Variants in APBA1 observed in about 807,000 individuals in gnomAD.
The protein encoded by APBA1 is amyloid beta precursor protein binding family A member 1, also known as amyloid-beta A4 precursor protein-binding family A member 1.
Under a neutral mutation model 86.6 loss-of-function variants are expected in APBA1, and 55 were observed. The observed-to-expected ratio is 0.64, with a 90% CI of 0.51 to 0.80. APBA1 has a LOEUF of 0.80. Among genes scored for constraint, APBA1 ranks in the 30% least tolerant of loss-of-function variants. APBA1 has a pLI of 0.00. For missense variants in APBA1, 1,090 were observed against 1,183.0 expected, an observed-to-expected ratio of 0.92 and a Z score of 1.15; for synonymous variants, 511 against 493.9, an observed-to-expected ratio of 1.03 and a Z score of -0.46.
At chr9:69,446,215 T>C (rs969168364) in intron 10 of APBA1, among the ~76,000 whole-genome samples, 1 of 152,198 alleles carries the variant, frequency 6.6e-6, no homozygotes, top group Non-Finnish European at 1.5e-5. Flanking sequence ...AGTCTGTATT[T>C]GGTACTGGTG....
intron 1 of APBA1, among the ~76,000 whole-genome samples, chr9:69,659,919 T>C (rs1333547121): frequency 6.6e-6 from 1 of 152,240 alleles, no homozygotes; most frequent in Non-Finnish European, 1.5e-5. Flanking sequence ...ATTGTTCCTT[T>C]CCTTAACAAA....
intron 1 of APBA1, among the ~76,000 whole-genome samples, chr9:69,575,773 A>T (rs567839856): frequency 5.3e-5 from 8 of 152,330 alleles, no homozygotes; most frequent in Admixed American, 4.6e-4. Flanking sequence ...AACCTAGGCA[A>T]TACCATTCAG....
intron 2 of APBA1, among the ~76,000 whole-genome samples, chr9:69,489,971 C>G (rs1265580754): frequency 6.6e-6 from 1 of 152,120 alleles, no homozygotes; most frequent in Non-Finnish European, 1.5e-5. Flanking sequence ...CATCCCATTA[C>G]TGGGTATATA....
At chr9:69,591,806 T>C (rs1822135271) in intron 1 of APBA1, among the ~76,000 whole-genome samples, 1 of 152,260 alleles carries the variant, frequency 6.6e-6, no homozygotes, top group African/African-American at 2.4e-5. Context: ...AGAAATGCTT[T>C]TGAACCGAGG....
intron 1 of APBA1, among the ~76,000 whole-genome samples, chr9:69,647,357 C>T (rs1340225118): frequency 6.6e-6 from 1 of 152,178 alleles, no homozygotes; most frequent in African/African-American, 2.4e-5. Context: ...TTCCTTACCT[C>T]CTTCAGATAA....
At chr9:69,535,476 G>T (rs1023231285) in intron 1 of APBA1, among the ~76,000 whole-genome samples, 5 of 152,126 alleles carry the variant, frequency 3.3e-5, no homozygotes, top group African/African-American at 9.7e-5. Flanking sequence ...ATGAATCAAG[G>T]TGTTAATCAT....
At chr9:69,562,611 G>A (rs1836963737) in intron 1 of APBA1, among the ~76,000 whole-genome samples, 1 of 152,020 alleles carries the variant, frequency 6.6e-6, no homozygotes, top group South Asian at 2.1e-4. Flanking sequence ...CTGACCTCAT[G>A]TGATCCTCCT....
At chr9:69,441,410 A>G (rs1000632590) in intron 10 of APBA1, among the ~76,000 whole-genome samples, 1 of 152,232 alleles carries the variant, frequency 6.6e-6, no homozygotes, top group African/African-American at 2.4e-5. Flanking sequence ...ATCTGATCAA[A>G]GTACTTGTGC....
chr9:69,540,993 T>C (rs1836600093), intron 1 of APBA1, among the ~76,000 whole-genome samples: 1 of 152,216 alleles, frequency 6.6e-6, no homozygotes, highest in Admixed American at 6.5e-5. Flanking sequence ...TAATGTCCTA[T>C]AGGTTCACAT....
intron 5 of APBA1, 109 bp from the exon 6 acceptor site, chr9:69,458,297 G>A (rs891677523): frequency 2.7e-5 from 25 of 925,952 alleles, no homozygotes; most frequent in Middle Eastern, 2.3e-4. Context: ...GGCATAAAGC[G>A]TTTCTGTGGG....
chr9:69,516,047 G>A lies in APBA1; in HGVS notation c.1164C>T (p.Thr388=), dbSNP rs748397130. The A allele has an allele frequency of 3.7e-6, 6 of 1,601,428 alleles. No homozygotes were observed. The highest frequency in any genetic ancestry group is 5.1e-6 in the Non-Finnish European group (6 of 1,172,786). ...IWVMRQDISP[T]RDCDDQRPMD... is the part of the protein sequence containing the mutation. The stretch of plus-strand genomic sequence containing the variant: ...TCGGCCTCTGGTCGTCACAGTCCCT[G>A]GTGGGGCTAATGTCCTGGCGCATGA... The change falls in exon 2 of 13, where the codon ACC becomes ACT. Residue 388 remains threonine (T), a synonymous_variant. Coordinates refer to ENST00000265381, the MANE Select transcript of APBA1 (RefSeq NM_001163.4). This position sits in a 1 kb window ranked among gnomAD's most constrained non-coding sequence, Gnocchi z 7.3.
intron 1 of APBA1, among the ~76,000 whole-genome samples, chr9:69,665,220 G>A (rs1439462093): frequency 6.6e-6 from 1 of 152,116 alleles, no homozygotes; most frequent in Non-Finnish European, 1.5e-5. Flanking sequence ...TCTATATAAT[G>A]CCAGCAGAGC....
chr9:69,640,518 TAATA>T (rs1249176483), intron 1 of APBA1, among the ~76,000 whole-genome samples: 1 of 151,960 alleles, frequency 6.6e-6, no homozygotes, highest in Admixed American at 6.6e-5. Context: ...TCTGTAATAT[TAATA>T]ATTATCCATA....
rs1379736930 is a variant in APBA1, at chr9:69,428,222, G to A, written c.*3105C>T. The A allele has an allele frequency of 6.6e-6, 1 of 152,422 alleles. No individual in the cohort carries two copies. Among genetic ancestry groups the A allele is most frequent in the Non-Finnish European group, 1.5e-5 (1 of 68,216 alleles). 9.4% of individuals were successfully genotyped at this position (152,422 alleles called of 1,614,324 possible). A position where few individuals can be genotyped will look rare whatever the true frequency, so the allele number is the denominator to read the frequency against. ...TGCCCACAGGGTGAGGGGGGCAGAG[G>A]AGCGATGGGGGAGGTAGTAGGTTAC... On this transcript the variant is annotated 3_prime_UTR_variant, in exon 13 of 13. Coordinates refer to ENST00000265381, the MANE Select transcript of APBA1 (RefSeq NM_001163.4).
intron 1 of APBA1, among the ~76,000 whole-genome samples, chr9:69,570,740 T>C (rs1837102011): frequency 6.6e-6 from 1 of 152,194 alleles, no homozygotes; most frequent in African/African-American, 2.4e-5. Flanking sequence ...ATGGGCTAGA[T>C]TGTGTATCTC....
In APBA1 at chr9:69,517,359, C is replaced by A. The variant is rs559075760; in HGVS notation, c.-69-80G>T. On this transcript the variant is annotated intron_variant, in intron 1 of 12. Coordinates refer to ENST00000265381, the MANE Select transcript of APBA1 (RefSeq NM_001163.4). The stretch of plus-strand genomic sequence containing the variant: ...CTGAGTATTCAGATAACCATAAAAA[C>A]AACTGCTATTGATTCCTTTTAGTTC... 18 of 1,281,934 alleles carry A rather than the reference C, an allele frequency of 1.4e-5. No individual in the cohort carries two copies. In the East Asian group the frequency reaches 3.9e-4, roughly 28 times the overall value. 79.4% of individuals were successfully genotyped at this position (1,281,934 alleles called of 1,614,324 possible). A position where few individuals can be genotyped will look rare whatever the true frequency, so the allele number is the denominator to read the frequency against.
intron 1 of APBA1, among the ~76,000 whole-genome samples, chr9:69,599,486 C>T (rs983173286): frequency 1.3e-5 from 2 of 152,190 alleles, no homozygotes; most frequent in Non-Finnish European, 2.9e-5. Flanking sequence ...TTCGGTAAAA[C>T]ACTCTCACAT....
In APBA1 at chr9:69,617,704, C is replaced by A. The variant is rs1400472730; in HGVS notation, c.-70+54449G>T. Among the ~76,000 whole-genome samples, 6 of 152,126 alleles carry A rather than the reference C, an allele frequency of 3.9e-5. No homozygotes were observed. The South Asian group carries it at 8.3e-4, about 21-fold the overall frequency. On this transcript the variant is annotated intron_variant, in intron 1 of 12. Coordinates refer to ENST00000265381, the MANE Select transcript of APBA1 (RefSeq NM_001163.4). ...TACTCATTCCTACTGTTCAGCCAGACAACTGTCAACACCAAATTTTTGAGA... is the reference window on the plus strand; with the variant it reads ...TACTCATTCCTACTGTTCAGCCAGAAAACTGTCAACACCAAATTTTTGAGA...
intron 11 of APBA1, 69 bp downstream of exon 11, chr9:69,440,927 C>T (rs1588284595): frequency 4.5e-6 from 7 of 1,543,368 alleles, no homozygotes; most frequent in African/African-American, 2.7e-5. Context: ...CTTGGCTCCA[C>T]CCCCCCAGCC....
Sources: allele counts gnomAD v4.1 joint callset (sites outside exome capture counted in the v4.1 genomes callset), GRCh38; gene constraint gnomAD v4.1.1; non-coding constraint Gnocchi (gnomAD v3.1); transcripts MANE v1.5; gene names NCBI Gene and HGNC (gene_info 2026-07-23, HGNC 2026-07-21).